Variants in GPR158 observed in about 807,000 individuals in gnomAD.
GPR158 encodes the protein G protein-coupled receptor 158.
A neutral mutation model predicts 78.2 loss-of-function variants in GPR158; 30 were observed. The ratio of observed to expected loss-of-function variants is 0.38; its 90% confidence interval spans 0.29 to 0.52. The LOEUF (loss-of-function observed/expected upper bound fraction) is 0.52. GPR158 is among the 20% of genes least tolerant of loss of function. GPR158 has a pLI of 0.83. For synonymous variants in GPR158, 581 were observed against 591.1 expected (o/e 0.98, Z 0.25); for missense variants, 1,463 against 1,523.5 (o/e 0.96, Z 0.66).
chr10:25,355,398 A>T (rs2130525373), intron 2 of GPR158, among the ~76,000 whole-genome samples: 1 of 152,212 alleles, frequency 6.6e-6, no homozygotes, highest in Non-Finnish European at 1.5e-5. Flanking sequence ...TCTCATTGTT[A>T]AATTTATCTG....
intron 2 of GPR158, among the ~76,000 whole-genome samples, chr10:25,390,145 C>A (rs72798060): frequency 0.028 from 4,220 of 152,280 alleles, 84 homozygotes; most frequent in Non-Finnish European, 0.043. Flanking sequence ...TTTTAAATCT[C>A]TTTCCTCTAT....
chr10:25,420,391 A>T (rs1482801457), intron 4 of GPR158, among the ~76,000 whole-genome samples: 1 of 152,100 alleles, frequency 6.6e-6, no homozygotes, highest in Non-Finnish European at 1.5e-5. Context: ...GTCCTCAAGC[A>T]ATCCTCCTGC....
chr10:25,423,113 A>ATGTG (rs1564451140), intron 4 of GPR158, among the ~76,000 whole-genome samples: 1 of 148,056 alleles, frequency 6.8e-6, no homozygotes, highest in African/African-American at 2.5e-5. Context: ...ATGTCTACAC[A>ATGTG]TATATACATA....
At chr10:25,254,435 T>G (rs1853865779) in intron 2 of GPR158, among the ~76,000 whole-genome samples, 1 of 152,158 alleles carries the variant, frequency 6.6e-6, no homozygotes, top group South Asian at 2.1e-4. Context: ...AAATATTAAT[T>G]TCTCTGAAGA....
At chr10:25,308,459 C>T (rs535561423) in intron 2 of GPR158, among the ~76,000 whole-genome samples, 10 of 152,166 alleles carry the variant, frequency 6.6e-5, no homozygotes, top group Non-Finnish European at 1.3e-4. Context: ...GGTTATGAGC[C>T]ATTACTCTAT....
At chr10:25,382,031 A>C (rs1349007134) in intron 2 of GPR158, among the ~76,000 whole-genome samples, 1 of 152,196 alleles carries the variant, frequency 6.6e-6, no homozygotes, top group Non-Finnish European at 1.5e-5. Context: ...CAAGAGTGAA[A>C]ACAAAGTCCC....
intron 6 of GPR158, among the ~76,000 whole-genome samples, chr10:25,564,577 G>A (rs1836903947): frequency 6.6e-6 from 1 of 152,096 alleles, no homozygotes; most frequent in South Asian, 2.1e-4. Flanking sequence ...GTCTTTCAGG[G>A]ATCCACCAAC....
intron 1 of GPR158, among the ~76,000 whole-genome samples, chr10:25,182,578 T>C (rs1041836830): frequency 2.0e-5 from 3 of 152,230 alleles, no homozygotes; most frequent in African/African-American, 7.2e-5. Context: ...TCTGGAGAGA[T>C]AACTGAGGCT....
At chr10:25,192,003 T>G (rs181503212) in intron 1 of GPR158, among the ~76,000 whole-genome samples, 94 of 152,308 alleles carry the variant, frequency 6.2e-4, no homozygotes, top group African/African-American at 2.2e-3. Context: ...GACCATATTT[T>G]GTGACTTCCT....
At chr10:25,347,111 G>C (rs957995484) in intron 2 of GPR158, among the ~76,000 whole-genome samples, 1 of 151,964 alleles carries the variant, frequency 6.6e-6, no homozygotes, top group Non-Finnish European at 1.5e-5. Flanking sequence ...TGGTTCTGTA[G>C]GTTAGAAGTT....
intron 5 of GPR158, among the ~76,000 whole-genome samples, chr10:25,483,228 G>A (rs1277718869): frequency 2.0e-5 from 3 of 151,980 alleles, no homozygotes; most frequent in Non-Finnish European, 4.4e-5. Flanking sequence ...GAAACCTAGA[G>A]ACCGAAAAGA....
rs1166053671 is a variant in GPR158 at position 25,195,852 on chromosome 10, A to G, written c.902+19530A>G. Among the ~76,000 whole-genome samples the G allele has an allele frequency of 2.0e-5, 3 of 152,312 alleles. No homozygotes were observed. In the East Asian group the frequency reaches 5.8e-4, roughly 29 times the overall value. On this transcript the variant is annotated intron_variant, in intron 1 of 10. Coordinates refer to ENST00000376351, the MANE Select transcript of GPR158 (RefSeq NM_020752.3). ...GTCAGAATACAGAAGTATAGGTTCA[A>G]AGTCATTTTGCCCTCAGAATTTTAA... is the stretch of plus-strand genomic sequence containing the variant.
chr10:25,353,662 A>C (rs1322261548), intron 2 of GPR158, among the ~76,000 whole-genome samples: 2 of 152,092 alleles, frequency 1.3e-5, no homozygotes, highest in East Asian at 3.9e-4. Flanking sequence ...AAAATGTTAA[A>C]ACAGTGATTT....
intron 2 of GPR158, among the ~76,000 whole-genome samples, chr10:25,391,592 G>A (rs1235665677): frequency 6.6e-6 from 1 of 152,202 alleles, no homozygotes; most frequent in Non-Finnish European, 1.5e-5. Context: ...TGGAATGGGT[G>A]TATTTACCCA....
chr10:25,389,988 A>G (rs779071573), intron 2 of GPR158, among the ~76,000 whole-genome samples: 5 of 152,102 alleles, frequency 3.3e-5, no homozygotes, highest in Non-Finnish European at 7.4e-5. Flanking sequence ...ATGATAGTGA[A>G]TAAGTGTCAT....
intron 2 of GPR158, among the ~76,000 whole-genome samples, chr10:25,389,886 G>C (rs1002413129): frequency 1.3e-5 from 2 of 152,190 alleles, no homozygotes; most frequent in Non-Finnish European, 2.9e-5. Context: ...GTCTCATCTT[G>C]AGCTTTAGCT....
intron 5 of GPR158, among the ~76,000 whole-genome samples, chr10:25,544,076 A>G (rs548934960): frequency 1.3e-5 from 2 of 152,288 alleles, no homozygotes; most frequent in African/African-American, 4.8e-5. Context: ...TTTTCCACTC[A>G]GCTCATCCTC....
At chr10:25,404,076 T>C (rs915387643) in intron 3 of GPR158, among the ~76,000 whole-genome samples, 1 of 152,094 alleles carries the variant, frequency 6.6e-6, no homozygotes, top group African/African-American at 2.4e-5. Flanking sequence ...TATGTTCTCT[T>C]TTCCTAGATA....
rs934926110 is a variant in GPR158, at chr10:25,600,121, G to A, written c.*847G>A. ...GTTTTTTATACAAGTTGAGTTACTT[G>A]TTTTGCACTTCTTGTTAGGACTCAG... On this transcript the variant is annotated 3_prime_UTR_variant, in exon 11 of 11. Transcript: ENST00000376351. 6.6e-6 allele frequency: 1 copy of A among 152,564 alleles called. No individual in the cohort carries two copies. The highest frequency in any genetic ancestry group is 1.5e-5 in the Non-Finnish European group (1 of 68,010). The allele number at this position is 152,564 out of a possible 1,614,324, so 9.5% of individuals were successfully genotyped here. A position where few individuals can be genotyped will look rare whatever the true frequency, so the allele number is the denominator to read the frequency against.
Sources: gnomAD v4.1 joint callset for allele counts (sites outside exome capture counted in the v4.1 genomes callset) on GRCh38, gnomAD v4.1.1 for gene constraint, MANE v1.5 for transcripts, NCBI Gene and HGNC (gene_info 2026-07-23, HGNC 2026-07-21) for gene names.